Variants in HGF observed in about 807,000 individuals in gnomAD.
The protein encoded by HGF is hepatocyte growth factor, also known as fibroblast-derived tumor cytotoxic factor.
In HGF, 39 loss-of-function variants were observed where a neutral mutation model predicts 111.6. That is an observed-to-expected ratio of 0.35 (90% CI 0.27 to 0.46). The LOEUF is 0.46. Ranked by LOEUF, HGF falls within the 20% of genes least tolerant of loss-of-function variation. The pLI is 1.00. For synonymous variants in HGF, 285 were observed against 294.8 expected, an observed-to-expected ratio of 0.97 and a Z score of 0.34; for missense variants, 735 against 910.5, an observed-to-expected ratio of 0.81 and a Z score of 2.48.
rs1326012712 is a variant in HGF, at chr7:81,762,881, T to C, written c.89-9A>G. The stretch of plus-strand genomic sequence containing the variant: ...TCTTTTCCTTTGTCCCTCTATTAAA[T>C]ACAAAATGTTTTAAAAAAATAAACA... On this transcript the variant is annotated splice_polypyrimidine_tract_variant and intron_variant, in intron 1 of 17. Coordinates refer to ENST00000222390, the MANE Select transcript of HGF (RefSeq NM_000601.6). 6.9e-7 allele frequency: 1 copy of C among 1,441,912 alleles called. No individual in the cohort carries two copies. The allele number at this position is 1,441,912 out of a possible 1,614,324, so 89.3% of individuals were successfully genotyped here. A position where few individuals can be genotyped will look rare whatever the true frequency, so the allele number is the denominator to read the frequency against.
chr7:81,751,686 C>T, intron 5 of HGF: 1 of 1,025,484 alleles, frequency 9.8e-7, no homozygotes, highest in Non-Finnish European at 1.2e-6. Flanking sequence ...GTCCATATAC[C>T]CTTGTCACAC....
intron 10 of HGF, among the ~76,000 whole-genome samples, chr7:81,718,123 T>G (rs1309195683): frequency 6.6e-6 from 1 of 152,224 alleles, no homozygotes; most frequent in Non-Finnish European, 1.5e-5. Flanking sequence ...TTACTGAACT[T>G]GTTTCCAGTT....
intron 13 of HGF, among the ~76,000 whole-genome samples, chr7:81,708,238 A>G (rs1789478371): frequency 1.3e-5 from 2 of 152,114 alleles, no homozygotes; most frequent in African/African-American, 4.8e-5. Context: ...CCTTTTCAGT[A>G]TGAGTTTTGG....
chr7:81,722,852 T>TAC (rs915835621), intron 9 of HGF, among the ~76,000 whole-genome samples: 3 of 145,718 alleles, frequency 2.1e-5, no homozygotes, highest in African/African-American at 2.7e-5. Context: ...AAGGTATATA[T>TAC]ATATATATAT....
chr7:81,708,660 C>G (rs181482941), intron 13 of HGF, among the ~76,000 whole-genome samples: 31 of 149,304 alleles, frequency 2.1e-4, no homozygotes, highest in African/African-American at 7.4e-4. Flanking sequence ...CCAGGCTGCT[C>G]TTGAACTCCT....
At chr7:81,711,784 C>T (rs1243219712) in intron 11 of HGF, among the ~76,000 whole-genome samples, 2 of 152,040 alleles carry the variant, frequency 1.3e-5, no homozygotes, top group Non-Finnish European at 2.9e-5. Flanking sequence ...GCTGGAACCA[C>T]AGGCACACAC....
At chr7:81,709,199 T>A (rs773111572) in intron 13 of HGF, among the ~76,000 whole-genome samples, 3 of 151,978 alleles carry the variant, frequency 2.0e-5, no homozygotes, top group Non-Finnish European at 2.9e-5. Context: ...AGGTTGAAAT[T>A]TGAAGGAGAA....
At chr7:81,754,294 A>G (rs1788650023) in intron 4 of HGF, among the ~76,000 whole-genome samples, 1 of 151,990 alleles carries the variant, frequency 6.6e-6, no homozygotes, top group African/African-American at 2.4e-5. Flanking sequence ...TAAGAAACCT[A>G]GTAGTTATAG....
chr7:81,745,640 A>T (rs1447569600), intron 5 of HGF, among the ~76,000 whole-genome samples: 1 of 152,196 alleles, frequency 6.6e-6, no homozygotes, highest in Non-Finnish European at 1.5e-5. Flanking sequence ...AATCTGGTGC[A>T]ATTCAAAGAA....
chr7:81,750,864 C>T, intron 5 of HGF: 1 of 675,394 alleles, frequency 1.5e-6, no homozygotes, highest in Non-Finnish European at 1.8e-6. Flanking sequence ...TTAATTCGTT[C>T]AGACTTATTC....
At chr7:81,744,457 C>T (rs959259304) in intron 6 of HGF, among the ~76,000 whole-genome samples, 12 of 152,100 alleles carry the variant, frequency 7.9e-5, no homozygotes, top group Non-Finnish European at 1.6e-4. Context: ...GAATGGTTTG[C>T]TCTACTTTTT....
At chr7:81,710,050 G>A in intron 13 of HGF, 97 bp downstream of exon 13, 1 of 848,152 alleles carries the variant, frequency 1.2e-6, no homozygotes. Flanking sequence ...CCCTGTGGAG[G>A]GTACAACCTT....
intron 5 of HGF, chr7:81,751,832 C>G (rs1788519636): frequency 8.1e-7 from 1 of 1,233,336 alleles, no homozygotes; most frequent in African/African-American, 1.5e-5. Context: ...GGTATGTGAG[C>G]TCAAGACAGT....
chr7:81,717,187 A>G, intron 11 of HGF, 45 bp downstream of exon 11: 1 of 1,584,300 alleles, frequency 6.3e-7, no homozygotes, highest in Non-Finnish European at 8.7e-7. Context: ...GAAATGTAGT[A>G]CATTTAAAAT....
intron 8 of HGF, 44 bp from the exon 9 acceptor site, chr7:81,726,061 CGTTG>C: frequency 6.2e-7 from 1 of 1,601,692 alleles, no homozygotes; most frequent in Non-Finnish European, 8.6e-7. Flanking sequence ...GGAGTTCTTA[CGTTG>C]GTGAAGTCAG....
Position 81,702,261 on chromosome 7 carries a change from C to T in HGF, c.*320G>A. The T allele has an allele frequency of 3.1e-6, 1 of 317,540 alleles. No homozygotes were observed. The allele number at this position is 317,540 out of a possible 1,614,324, so 19.7% of individuals were successfully genotyped here. A position where few individuals can be genotyped will look rare whatever the true frequency, so the allele number is the denominator to read the frequency against. On this transcript the variant is annotated 3_prime_UTR_variant, in exon 18 of 18. Coordinates refer to ENST00000222390, the MANE Select transcript of HGF (RefSeq NM_000601.6). ...AACCAACATCAGAAAGCAGCTTAGACAGATTAATTGATTTTTTTTCCCATG... is the reference window on the plus strand; with the variant it reads ...AACCAACATCAGAAAGCAGCTTAGATAGATTAATTGATTTTTTTTCCCATG...
intron 9 of HGF, among the ~76,000 whole-genome samples, chr7:81,721,829 G>A (rs1341121613): frequency 1.3e-5 from 2 of 152,112 alleles, no homozygotes; most frequent in Non-Finnish European, 2.9e-5. Context: ...CAAAAAAATC[G>A]GTTGGGGCCT....
At chr7:81,737,204 A>G (rs1042117545) in intron 7 of HGF, among the ~76,000 whole-genome samples, 1 of 152,044 alleles carries the variant, frequency 6.6e-6, no homozygotes, top group Non-Finnish European at 1.5e-5. Context: ...GGCAAATAAT[A>G]GAGCCTAAAT....
chr7:81,730,294 C>CA (rs1163919610), intron 7 of HGF, among the ~76,000 whole-genome samples: 27 of 151,542 alleles, frequency 1.8e-4, no homozygotes, highest in Admixed American at 1.2e-3. Flanking sequence ...ACTAAAAATA[C>CA]AAAAAAAATT....
Sources: gnomAD v4.1 joint callset for allele counts (sites outside exome capture counted in the v4.1 genomes callset) on GRCh38, gnomAD v4.1.1 for gene constraint, MANE v1.5 for transcripts, NCBI Gene and HGNC (gene_info 2026-07-23, HGNC 2026-07-21) for gene names.